The following DACH1 variants were observed in gnomAD, a reference collection of about 807,000 sequenced individuals.
DACH1 encodes the protein dachshund homolog 1.
A neutral mutation model predicts 54.2 loss-of-function variants in DACH1; 12 were observed. The ratio of observed to expected loss-of-function variants is 0.22; its 90% CI spans 0.14 to 0.36. The LOEUF is 0.36. DACH1 is among the 10% of genes least tolerant of loss of function. The pLI is 1.00. For missense variants in DACH1, 805 were observed against 929.8 expected, an observed-to-expected ratio of 0.87 and a Z score of 1.75; for synonymous variants, 386 against 366.2, an observed-to-expected ratio of 1.05 and a Z score of -0.62.
At chr13:71,699,925 C>A (rs1264319356) in intron 1 of DACH1, among the ~76,000 whole-genome samples, 1 of 152,112 alleles carries the variant, frequency 6.6e-6, no homozygotes, top group East Asian at 1.9e-4. Context: ...ATGTTAAAAG[C>A]AATGCTCCTG....
chr13:71,822,748 G>A (rs370878557), intron 1 of DACH1, among the ~76,000 whole-genome samples: 61 of 152,210 alleles, frequency 4.0e-4, no homozygotes, highest in African/African-American at 1.4e-3. Flanking sequence ...CTCCATGCTG[G>A]AGCAAGTGGC....
At chr13:71,581,271 T>C (rs1022729926) in intron 3 of DACH1, among the ~76,000 whole-genome samples, 4 of 151,944 alleles carry the variant, frequency 2.6e-5, no homozygotes, top group African/African-American at 9.7e-5. Flanking sequence ...ATTATTATTG[T>C]TATTATTATT....
chr13:71,745,142 C>CT (rs923707871), intron 1 of DACH1, among the ~76,000 whole-genome samples: 11 of 151,972 alleles, frequency 7.2e-5, no homozygotes, highest in East Asian at 5.8e-4. Context: ...GTTTTCATTC[C>CT]TTTTTTTTGT....
At chr13:71,609,417 C>T (rs1429187045) in intron 3 of DACH1, among the ~76,000 whole-genome samples, 1 of 152,124 alleles carries the variant, frequency 6.6e-6, no homozygotes, top group Non-Finnish European at 1.5e-5. Flanking sequence ...TGTGTACATA[C>T]TATAAACAGG....
intron 9 of DACH1, 127 bp from the exon 10 acceptor site, chr13:71,475,336 G>T (rs1239846730): frequency 6.0e-6 from 5 of 833,374 alleles, no homozygotes; most frequent in Non-Finnish European, 9.6e-6. Context: ...TCTTTTAAAG[G>T]TTGAACAAAA....
intron 7 of DACH1, among the ~76,000 whole-genome samples, chr13:71,481,326 G>A (rs910005474): frequency 6.6e-6 from 1 of 152,146 alleles, no homozygotes; most frequent in Non-Finnish European, 1.5e-5. Flanking sequence ...GTCCTTGGCT[G>A]ACAAAACACA....
chr13:71,834,700 TGC>T (rs1888716428), intron 1 of DACH1, among the ~76,000 whole-genome samples: 1 of 152,098 alleles, frequency 6.6e-6, no homozygotes, highest in South Asian at 2.1e-4. Context: ...TGGCATCTGA[TGC>T]ACTACTTAAA....
At chr13:71,446,198 A>ATACT (rs577182440) in intron 10 of DACH1, among the ~76,000 whole-genome samples, 74 of 152,170 alleles carry the variant, frequency 4.9e-4, no homozygotes, top group Non-Finnish European at 9.7e-4. Flanking sequence ...GTTGTACATC[A>ATACT]TACTTACCCT....
intron 6 of DACH1, among the ~76,000 whole-genome samples, chr13:71,517,877 C>T (rs1881279784): frequency 1.3e-5 from 2 of 151,832 alleles, no homozygotes; most frequent in Non-Finnish European, 1.5e-5. Context: ...ACAAATTAGT[C>T]CAACCAAAAT....
At chr13:71,769,949 A>G (rs1330757890) in intron 1 of DACH1, among the ~76,000 whole-genome samples, 2 of 151,744 alleles carry the variant, frequency 1.3e-5, no homozygotes, top group Non-Finnish European at 3.0e-5. Flanking sequence ...TGGCAAAGGC[A>G]AGCTCTAATA....
chr13:71,582,909 A>G (rs1872950797), intron 3 of DACH1, among the ~76,000 whole-genome samples: 1 of 152,160 alleles, frequency 6.6e-6, no homozygotes, highest in Admixed American at 6.5e-5. Context: ...TTTTATTTTT[A>G]CCTTTATACT....
intron 1 of DACH1, among the ~76,000 whole-genome samples, chr13:71,740,251 A>T (rs1884324311): frequency 6.6e-6 from 1 of 152,204 alleles, no homozygotes; most frequent in Non-Finnish European, 1.5e-5. Context: ...CCTACATCAA[A>T]TAAAATGAAT....
chr13:71,507,679 G>T (rs1000680446), intron 6 of DACH1, among the ~76,000 whole-genome samples: 1 of 152,150 alleles, frequency 6.6e-6, no homozygotes, highest in African/African-American at 2.4e-5. Context: ...TCCTTGGACT[G>T]ACTACCTGGA....
intron 1 of DACH1, among the ~76,000 whole-genome samples, chr13:71,790,495 G>T (rs1196054369): frequency 6.6e-6 from 1 of 152,048 alleles, no homozygotes; most frequent in African/African-American, 2.4e-5. Context: ...GGGATGTGGA[G>T]GTTTAATAAA....
intron 1 of DACH1, among the ~76,000 whole-genome samples, chr13:71,770,808 A>G (rs899718374): frequency 4.0e-5 from 6 of 151,444 alleles, no homozygotes; most frequent in African/African-American, 1.5e-4. Flanking sequence ...ACTTATGGCA[A>G]CAAAACTATG....
intron 6 of DACH1, among the ~76,000 whole-genome samples, chr13:71,553,932 G>T (rs556374913): frequency 6.6e-6 from 1 of 151,826 alleles, no homozygotes; most frequent in African/African-American, 2.4e-5. Flanking sequence ...TCTATTTTTG[G>T]AATCAGTGTT....
At chr13:71,633,105 C>T (rs897654822) in intron 2 of DACH1, among the ~76,000 whole-genome samples, 6 of 152,208 alleles carry the variant, frequency 3.9e-5, no homozygotes, top group African/African-American at 1.4e-4. Flanking sequence ...AAAACTTGTT[C>T]ACAGTATTCA....
chr13:71,625,538 T>C (rs1268924418), intron 3 of DACH1, among the ~76,000 whole-genome samples: 1 of 152,040 alleles, frequency 6.6e-6, no homozygotes, highest in East Asian at 1.9e-4. Flanking sequence ...TTTTTTTCCC[T>C]TCATATATTT....
At chr13:71,652,768 T>C (rs1425050308) in intron 2 of DACH1, among the ~76,000 whole-genome samples, 1 of 152,198 alleles carries the variant, frequency 6.6e-6, no homozygotes, top group East Asian at 1.9e-4. Context: ...AATTATACTA[T>C]GAGCTCCTTG....
Sources: gnomAD v4.1 joint callset for allele counts (sites outside exome capture counted in the v4.1 genomes callset) on GRCh38, gnomAD v4.1.1 for gene constraint, MANE v1.5 for transcripts, NCBI Gene and HGNC (gene_info 2026-07-23, HGNC 2026-07-21) for gene names.